ZNF883: variants seen among roughly 807,000 people sequenced by gnomAD.
ZNF883 encodes zinc finger protein 883.
chr9:113,006,898 T>A (rs2418244), intron 2 of ZNF883, among the ~76,000 whole-genome samples: 21,751 of 151,000 alleles, frequency 0.14, 2,332 homozygotes, highest in African/African-American at 0.3. Context: ...GGTAATTTTT[T>A]AAAAAAAAAA....
downstream of ZNF883, among the ~76,000 whole-genome samples, chr9:112,995,027 T>C (rs1057430161): frequency 6.6e-6 from 1 of 152,232 alleles, no homozygotes; most frequent in African/African-American, 2.4e-5. Context: ...GTTAATTTTA[T>C]GTGTCAACTT....
At chr9:112,998,032 T>C (rs371687871) in exon 1 of ZNF883, 2 of 1,613,900 alleles carry the variant, frequency 1.2e-6, no homozygotes, top group Non-Finnish European at 8.5e-7. Context: ...GACTAAAAGC[T>C]TTCCCACATT....
chr9:112,997,720 G>C (rs1828377230), exon 1 of ZNF883: 2 of 1,613,704 alleles, frequency 1.2e-6, no homozygotes, highest in Non-Finnish European at 1.7e-6. Context: ...TACACTGGTA[G>C]GATTTTTCCT....
At chr9:112,988,507 GTTTTCTTTATCCAGTCTATCATTCCA>G (rs556979637) in intron 1 of ZNF883, among the ~76,000 whole-genome samples, 353 of 152,032 alleles carry the variant, frequency 2.3e-3, no homozygotes, top group Admixed American at 5.1e-3. Context: ...ATAATATTCC[GTTTTCTTTATCCAGTCTATCATTCCA>G]TTTTCTTTAT....
chr9:113,002,764 C>A (rs555972046), upstream of ZNF883, among the ~76,000 whole-genome samples: 1 of 152,048 alleles, frequency 6.6e-6, no homozygotes, highest in Non-Finnish European at 1.5e-5. Context: ...ATTGCCAATG[C>A]GATAATATTA....
chr9:112,997,769 C>A (rs201838598), exon 1 of ZNF883: 2 of 1,613,582 alleles, frequency 1.2e-6, no homozygotes, highest in African/African-American at 1.3e-5. Flanking sequence ...GTGTGTGCTG[C>A]GGCTGAAGGT....
intron 2 of ZNF883, among the ~76,000 whole-genome samples, chr9:113,004,979 ATAAT>A (rs1828460714): frequency 6.6e-6 from 1 of 152,092 alleles, no homozygotes; most frequent in Non-Finnish European, 1.5e-5. Flanking sequence ...AATTTAATAA[ATAAT>A]CTTAGGATAA....
chr9:112,996,277 T>A (rs549183873), downstream of ZNF883, among the ~76,000 whole-genome samples: 1 of 152,320 alleles, frequency 6.6e-6, no homozygotes, highest in Non-Finnish European at 1.5e-5. Flanking sequence ...TATAGTCCAT[T>A]AAAAAATATT....
At chr9:112,991,066 T>C (rs145412216) in intron 1 of ZNF883, among the ~76,000 whole-genome samples, 8,869 of 152,218 alleles carry the variant, frequency 0.058, 360 homozygotes, top group East Asian at 0.091. Context: ...CCTGGATTCA[T>C]TGATTTTTTT....
intron 2 of ZNF883, among the ~76,000 whole-genome samples, chr9:113,006,024 A>G (rs1239265273): frequency 6.6e-6 from 1 of 152,080 alleles, no homozygotes; most frequent in Non-Finnish European, 1.5e-5. Flanking sequence ...ACAACAGGTA[A>G]CAAGATCCTG....
chr9:112,989,269 G>A (rs1038328276), intron 1 of ZNF883, among the ~76,000 whole-genome samples: 1 of 150,984 alleles, frequency 6.6e-6, no homozygotes, highest in Non-Finnish European at 1.5e-5. Context: ...GGGTTTTAAA[G>A]TCTTTAATCC....
chr9:113,008,726 G>T (rs1475757904), intron 2 of ZNF883, among the ~76,000 whole-genome samples: 1 of 152,026 alleles, frequency 6.6e-6, no homozygotes, highest in Non-Finnish European at 1.5e-5. Context: ...ACTGTCCCGG[G>T]TAAGTGAGAG....
At chr9:112,997,287 C>G (rs747417252) in exon 1 of ZNF883, 28 of 1,614,064 alleles carry the variant, frequency 1.7e-5, no homozygotes, top group Non-Finnish European at 2.4e-5. Context: ...TTCCCACATT[C>G]ATTACACTGG....
chr9:113,002,517 T>A (rs1320278399), upstream of ZNF883, among the ~76,000 whole-genome samples: 2 of 152,200 alleles, frequency 1.3e-5, no homozygotes, highest in Non-Finnish European at 2.9e-5. Flanking sequence ...TAACATAAGA[T>A]GTTGACAGTA....
At chr9:113,000,920 T>TA (rs879556492), upstream of ZNF883, among the ~76,000 whole-genome samples, 32 of 151,948 alleles carry the variant, frequency 2.1e-4, no homozygotes, top group Middle Eastern at 3.4e-3. Context: ...TAAAAATAAG[T>TA]AAAAAAACCA....
chr9:112,997,765 G>A, exon 1 of ZNF883: 1 of 1,613,726 alleles, frequency 6.2e-7, no homozygotes, highest in Non-Finnish European at 8.5e-7. Flanking sequence ...TTAGGTGTGT[G>A]CTGCGGCTGA....
At chr9:112,996,743 A>G (rs369841533), downstream of ZNF883, among the ~76,000 whole-genome samples, 1,138 of 128,474 alleles carry the variant, frequency 8.9e-3, 7 homozygotes, top group Middle Eastern at 0.029. Flanking sequence ...GTGAGCCGAG[A>G]TCGCGCCACT....
At chr9:112,997,843 G>A (rs1253639358) in exon 1 of ZNF883, 1 of 1,612,934 alleles carries the variant, frequency 6.2e-7, no homozygotes, top group African/African-American at 1.3e-5. Flanking sequence ...GTTGAGTAAG[G>A]GCAGAGATAT....
At chr9:113,011,048 G>A (rs943824263) in intron 2 of ZNF883, 93 bp downstream of exon 2, 3 of 151,500 alleles carry the variant, frequency 2.0e-5, no homozygotes, top group Non-Finnish European at 2.9e-5. Context: ...ATCAAGGGAC[G>A]TTTAATTGCA....
Sources: gnomAD v4.1 joint callset for allele counts (sites outside exome capture counted in the v4.1 genomes callset) on GRCh38, gnomAD v4.1.1 for gene constraint, MANE v1.5 for transcripts, NCBI Gene and HGNC (gene_info 2026-07-23, HGNC 2026-07-21) for gene names.